Variants in MTMR3 observed in about 807,000 individuals in gnomAD.
MTMR3 encodes myotubularin related protein 3, also known as phosphatidylinositol-3,5-bisphosphate 3-phosphatase MTMR3.
In MTMR3, 32 loss-of-function variants were observed where a neutral mutation model predicts 132.4. That is an observed-to-expected ratio of 0.24 (90% CI 0.18 to 0.32). The LOEUF is 0.32. Among genes scored for constraint, MTMR3 ranks in the 10% least tolerant of loss-of-function variants. The pLI is 1.00. For missense variants in MTMR3, 1,216 were observed against 1,489.6 expected (o/e 0.82, Z 3.02); for synonymous variants, 556 against 550.3 (o/e 1.01, Z -0.14).
intron 1 of MTMR3, among the ~76,000 whole-genome samples, chr22:29,932,712 A>G (rs2065670296): frequency 6.6e-6 from 1 of 152,192 alleles, no homozygotes; most frequent in African/African-American, 2.4e-5. Flanking sequence ...CCTACGACCT[A>G]ATTTAACAAA....
chr22:29,981,827 A>C (rs2066750435), intron 5 of MTMR3: 1 of 144,616 alleles, frequency 6.9e-6, no homozygotes. Flanking sequence ...TCAAAAAAAA[A>C]AAGGAAAAAA....
chr22:29,948,834 A>G (rs1431608542), intron 1 of MTMR3, among the ~76,000 whole-genome samples: 1 of 151,556 alleles, frequency 6.6e-6, no homozygotes, highest in Non-Finnish European at 1.5e-5. Context: ...GCCAGGTGCT[A>G]TGACTCATGC....
At position 30,022,459 on chromosome 22, in the gene MTMR3, C is replaced by T. The variant is rs1425989217; in HGVS notation, c.3337-150C>T. 10 of 689,622 alleles carry T rather than the reference C, an allele frequency of 1.5e-5. No homozygotes were observed. In the Admixed American group the frequency reaches 2.1e-4, roughly 14 times the overall value. 42.7% of individuals were successfully genotyped at this position (689,622 alleles called of 1,614,324 possible). On this transcript the variant is annotated intron_variant, in intron 18 of 19. Coordinates refer to ENST00000401950, the MANE Select transcript of MTMR3 (RefSeq NM_021090.4). The stretch of plus-strand genomic sequence containing the variant: ...CCCTCCAGGGAAACGATTTGGACGC[C>T]TTTCTTGTACTGTTGACATCAGATC...
chr22:29,935,544 G>T (rs2145798994), intron 1 of MTMR3, among the ~76,000 whole-genome samples: 1 of 152,296 alleles, frequency 6.6e-6, no homozygotes, highest in African/African-American at 2.4e-5. Context: ...AAATGATACG[G>T]CAGAGTAAAA....
chr22:29,991,766 A>G, intron 7 of MTMR3, 96 bp downstream of exon 7: 1 of 1,293,012 alleles, frequency 7.7e-7, no homozygotes, highest in Non-Finnish European at 1.0e-6. Context: ...GCATTCATAT[A>G]TCAATCAGTG....
chr22:30,012,683 C>T (rs924465907), intron 13 of MTMR3, 120 bp downstream of exon 13: 6 of 1,128,654 alleles, frequency 5.3e-6, no homozygotes, highest in African/African-American at 3.1e-5. Context: ...CTGTTTTGGT[C>T]ATTGTTCCTT....
At chr22:29,989,615 ATGT>A in intron 6 of MTMR3, 1 of 152,096 alleles carries the variant, frequency 6.6e-6, no homozygotes, top group South Asian at 2.1e-4. Flanking sequence ...AATACTTCTC[ATGT>A]TGTGTTTGTC....
rs1209710309 is a variant in MTMR3 at position 29,979,418 on chromosome 22, G to T, written c.210+366G>T. Reference sequence around the variant, plus strand: ...GAGTCAGGAGAATGGCATGAACCCGGGAGGTGGAGCTGGCAGTGAGCCAAG... The same window carrying T: ...GAGTCAGGAGAATGGCATGAACCCGTGAGGTGGAGCTGGCAGTGAGCCAAG... On this transcript the variant is annotated intron_variant, in intron 5 of 19. Coordinates refer to ENST00000401950, the MANE Select transcript of MTMR3 (RefSeq NM_021090.4). 2.3e-5 allele frequency: 5 copies of T among 214,900 alleles called. No homozygotes were observed. The East Asian group carries it at 7.0e-4, about 30-fold the overall frequency. The allele number at this position is 214,900 out of a possible 1,614,324, so 13.3% of individuals were successfully genotyped here.
intron 1 of MTMR3, among the ~76,000 whole-genome samples, chr22:29,927,939 G>GTTTTGTTTT (rs1569008222): frequency 3.7e-5 from 4 of 107,382 alleles, no homozygotes; most frequent in Non-Finnish European, 3.7e-5. Flanking sequence ...TCTAGCCTTT[G>GTTTTGTTTT]TTTTTTTTTT....
Position 30,026,181 on chromosome 22 carries a change from G to A in MTMR3, c.*380G>A, listed in dbSNP as rs1225034214. 4.8e-6 allele frequency: 1 copy of A among 208,872 alleles called. No individual in the cohort carries two copies. Among genetic ancestry groups the A allele is most frequent in the African/African-American group, 2.3e-5 (1 of 43,686 alleles). 12.9% of individuals were successfully genotyped at this position (208,872 alleles called of 1,614,324 possible). A position where few individuals can be genotyped will look rare whatever the true frequency, so the allele number is the denominator to read the frequency against. ...GGATGGTGGTCAGAGCCAGGAGTAT[G>A]GAGATCTGAGACCGTGAGCAGGGAA... On this transcript the variant is annotated 3_prime_UTR_variant, in exon 20 of 20. Coordinates refer to ENST00000401950, the MANE Select transcript of MTMR3 (RefSeq NM_021090.4).
chr22:30,004,807 A>G (rs1983789181), intron 9 of MTMR3: 1 of 152,218 alleles, frequency 6.6e-6, no homozygotes, highest in African/African-American at 2.4e-5. Flanking sequence ...TTGCCAGCCT[A>G]GGTGGCAGGA....
At chr22:29,927,494 A>C (rs1355425414) in intron 1 of MTMR3, among the ~76,000 whole-genome samples, 2 of 152,216 alleles carry the variant, frequency 1.3e-5, no homozygotes. Context: ...GTTTCTGTTT[A>C]GGTGGTCTTT....
rs28446694 is a variant in MTMR3, at chr22:29,976,679, A to G, written c.4-1763A>G. Among the ~76,000 whole-genome samples the G allele has an allele frequency of 2.4e-4, 37 of 152,282 alleles. No homozygotes were observed. In the East Asian group the frequency reaches 4.1e-3, roughly 17 times the overall value. On this transcript the variant is annotated intron_variant, in intron 3 of 19. Transcript: ENST00000401950. ...TTTTGCACTATTAGTATAGATGTCA[A>G]TACAGTGAAGAAAGGCAATAATACC...
chr22:30,023,112 T>G, intron 19 of MTMR3: 1 of 403,282 alleles, frequency 2.5e-6, no homozygotes. Context: ...CCTTGTGCCA[T>G]TGGTGAGCAG....
chr22:29,884,790 T>A (rs2064636577), intron 1 of MTMR3, among the ~76,000 whole-genome samples: 1 of 152,182 alleles, frequency 6.6e-6, no homozygotes, highest in Non-Finnish European at 1.5e-5. Context: ...CCTGGAACTC[T>A]TGACCTCAAG....
At chr22:29,941,787 T>C (rs1051970596) in intron 1 of MTMR3, among the ~76,000 whole-genome samples, 1 of 152,134 alleles carries the variant, frequency 6.6e-6, no homozygotes, top group East Asian at 1.9e-4. Flanking sequence ...TCTTAACCAT[T>C]TTAAAATGTA....
At chr22:29,991,320 C>A in intron 6 of MTMR3, 184 bp from the exon 7 acceptor site, 2 of 470,898 alleles carry the variant, frequency 4.2e-6, no homozygotes, top group South Asian at 4.7e-5. Flanking sequence ...CATTTTGTTC[C>A]ATTGGCTAAC....
chr22:29,935,300 A>C (rs1391191421), intron 1 of MTMR3, among the ~76,000 whole-genome samples: 2 of 152,208 alleles, frequency 1.3e-5, no homozygotes, highest in Admixed American at 1.3e-4. Context: ...TTCTCACAGT[A>C]ACACCATAAG....
At chr22:29,933,158 T>C (rs1468926196) in intron 1 of MTMR3, among the ~76,000 whole-genome samples, 1 of 151,948 alleles carries the variant, frequency 6.6e-6, no homozygotes, top group Non-Finnish European at 1.5e-5. Context: ...TTAGTAGAGA[T>C]GGGGTTTCAC....
Sources: allele counts gnomAD v4.1 joint callset (sites outside exome capture counted in the v4.1 genomes callset), GRCh38; gene constraint gnomAD v4.1.1; transcripts MANE v1.5; gene names NCBI Gene and HGNC (gene_info 2026-07-23, HGNC 2026-07-21).